Variants in G3BP1 observed in about 807,000 individuals in gnomAD.
G3BP1 encodes the protein ras GTPase-activating protein-binding protein 1.
Under a neutral mutation model 58.6 loss-of-function variants are expected in G3BP1, and 35 were observed. The ratio of observed to expected loss-of-function variants is 0.60; its 90% CI spans 0.46 to 0.79. G3BP1 has a LOEUF of 0.79. G3BP1 is among the 30% of genes least tolerant of loss of function. The probability of loss-of-function intolerance (pLI) is 0.00; values close to 1 mark genes in which losing one functional copy is unlikely to be tolerated. For synonymous variants in G3BP1, 191 were observed against 195.4 expected (o/e 0.98, Z 0.19); for missense variants, 523 against 580.8 (o/e 0.90, Z 1.02).
Position 151,800,779 on chromosome 5 carries a change from G to T in G3BP1, c.1104G>T (p.Glu368Asp), listed in dbSNP as rs1243230767. 1.9e-6 allele frequency: 3 copies of T among 1,609,576 alleles called. No individual in the cohort carries two copies. Among genetic ancestry groups the T allele is most frequent in the Admixed American group, 1.7e-5 (1 of 59,998 alleles). ...TTGCAGGTTATGGAAACGTGGTGGA[G>T]TTGCGCATTAACAGTGGTGGGAAAT... Reference protein sequence around the residue: ...DFFQSYGNVVELRINSGGKLP... With the variant: ...DFFQSYGNVVDLRINSGGKLP... The change falls in exon 11 of 12, where the codon GAG becomes GAT. Residue 368 changes from glutamate to aspartate, a missense_variant. Physicochemically the swap from Glu to Asp is conservative, Grantham distance 45 (BLOSUM62 2). This residue lies in a region of G3BP1 where 125 missense variants were observed against 181.7 expected (regional missense o/e 0.69). Coordinates refer to ENST00000356245, the MANE Select transcript of G3BP1 (RefSeq NM_005754.3).
intron 1 of G3BP1, among the ~76,000 whole-genome samples, chr5:151,776,467 G>C (rs556976432): frequency 6.6e-6 from 1 of 152,186 alleles, no homozygotes; most frequent in South Asian, 2.1e-4. Flanking sequence ...TATTATTTTG[G>C]GGGAGATGCT....
rs1762640224 is a variant in G3BP1, at chr5:151,790,922, A to G, written c.211A>G (p.Thr71Ala). 2.1e-5 allele frequency: 33 copies of G among 1,607,214 alleles called. No homozygotes were observed. The highest frequency in any genetic ancestry group is 2.7e-5 in the Non-Finnish European group (32 of 1,175,734). Residue 71 changes from threonine to alanine, a missense_variant, in exon 4 of 12, where the codon ACC becomes GCC. Physicochemically the swap from Thr to Ala is moderately conservative, Grantham distance 58. Transcript: ENST00000356245. ...IHRKVMSQNF[T>A]NCHTKIRHVD... is the part of the protein sequence containing the mutation. ...CAGGAAAGTGATGTCACAAAACTTCACCAACTGCCACACCAAGATTCGCCA... is the reference window on the plus strand; with the variant it reads ...CAGGAAAGTGATGTCACAAAACTTCGCCAACTGCCACACCAAGATTCGCCA...
At chr5:151,780,669 T>G (rs1762451274) in intron 1 of G3BP1, among the ~76,000 whole-genome samples, 1 of 152,136 alleles carries the variant, frequency 6.6e-6, no homozygotes, top group South Asian at 2.1e-4. Flanking sequence ...CCCACCACCA[T>G]GCCTGGCCAG....
chr5:151,811,381 G>A lies in G3BP1; in HGVS notation c.*7290G>A, dbSNP rs926897450. ...ATGAATTCTCATTTCTCGACATAAA[G>A]CCTTGTCTAAAGTGAGATGTTTTCC... On this transcript the variant is annotated 3_prime_UTR_variant, in exon 12 of 12. Transcript: ENST00000356245. 6.6e-6 allele frequency: 1 copy of A among 152,106 alleles called. No homozygotes were observed. Among genetic ancestry groups the A allele is most frequent in the Non-Finnish European group, 1.5e-5 (1 of 68,012 alleles). The allele number at this position is 152,106 out of a possible 1,614,324, so 9.4% of individuals were successfully genotyped here.
At chr5:151,786,434 A>G (rs1762556134) in intron 1 of G3BP1, 138 bp from the exon 2 acceptor site, 2 of 549,206 alleles carry the variant, frequency 3.6e-6, no homozygotes, top group Non-Finnish European at 6.6e-6. Flanking sequence ...ATTTGTATAA[A>G]ATCTCAACTG....
Position 151,799,319 on chromosome 5 carries a change from G to A in G3BP1, c.843+6G>A, listed in dbSNP as rs1366680978. On this transcript the variant is annotated splice_donor_region_variant and intron_variant, in intron 8 of 11. Coordinates refer to ENST00000356245, the MANE Select transcript of G3BP1 (RefSeq NM_005754.3). ...TTAAAGTACCAGCTTCACAGGTAAG[G>A]TCCTAATAAAACTTGTACATTAGGC... 7.7e-6 allele frequency: 11 copies of A among 1,430,402 alleles called. No individual in the cohort carries two copies. The highest frequency in any genetic ancestry group is 1.1e-5 in the Non-Finnish European group (11 of 1,012,380). The allele number at this position is 1,430,402 out of a possible 1,614,324, so 88.6% of individuals were successfully genotyped here.
chr5:151,780,605 C>T lies in G3BP1; in HGVS notation c.-49-5967C>T, dbSNP rs187643211. On this transcript the variant is annotated intron_variant, in intron 1 of 11. Transcript: ENST00000356245. Reference sequence around the variant, plus strand: ...GGCTCATTGCAAGAGCTCCGCCTCCCGGGTTCACTCTGTTCTCCTGCCTCA... The same window carrying T: ...GGCTCATTGCAAGAGCTCCGCCTCCTGGGTTCACTCTGTTCTCCTGCCTCA... Among the ~76,000 whole-genome samples, 673 of 152,266 alleles carry T rather than the reference C, an allele frequency of 4.4e-3. 4 individuals carry two copies. The highest frequency in any genetic ancestry group is 6.6e-3 in the Non-Finnish European group (450 of 68,018).
At chr5:151,788,604 G>GTGTGTGTGTGTGTA (rs1762593979) in intron 2 of G3BP1, among the ~76,000 whole-genome samples, 1 of 150,122 alleles carries the variant, frequency 6.7e-6, no homozygotes, top group South Asian at 2.1e-4. Flanking sequence ...GTGTGTGTGT[G>GTGTGTGTGTGTGTA]TGTGTGTGTA....
intron 1 of G3BP1, among the ~76,000 whole-genome samples, chr5:151,774,362 G>T (rs1046317480): frequency 2.0e-5 from 3 of 150,858 alleles, no homozygotes; most frequent in Non-Finnish European, 3.0e-5. Context: ...TTTCCCACTC[G>T]TTCTAGTATT....
At chr5:151,796,418 G>A (rs1171292260) in intron 6 of G3BP1, among the ~76,000 whole-genome samples, 1 of 152,162 alleles carries the variant, frequency 6.6e-6, no homozygotes, top group African/African-American at 2.4e-5. Context: ...ACAGGCGCAC[G>A]CCACCATGCC....
chr5:151,787,323 T>G (rs1762569769), intron 2 of G3BP1: 2 of 152,294 alleles, frequency 1.3e-5, no homozygotes, highest in Admixed American at 1.3e-4. Flanking sequence ...TTGAAGACAA[T>G]CCATGACTGT....
chr5:151,799,462 G>C (rs1469807105), intron 8 of G3BP1, 149 bp downstream of exon 8: 7 of 617,990 alleles, frequency 1.1e-5, no homozygotes, highest in Non-Finnish European at 2.0e-5. Context: ...GAAGCCAGCT[G>C]ATCACTGGAG....
intron 1 of G3BP1, among the ~76,000 whole-genome samples, chr5:151,783,804 C>T (rs1164023882): frequency 6.6e-6 from 1 of 152,096 alleles, no homozygotes; most frequent in East Asian, 1.9e-4. Flanking sequence ...GCTCTGTCGC[C>T]CAGGCTGGAG....
chr5:151,793,821 C>T (rs1199855628), intron 4 of G3BP1, among the ~76,000 whole-genome samples: 3 of 138,994 alleles, frequency 2.2e-5, no homozygotes, highest in Admixed American at 7.4e-5. Context: ...AACAAGATCC[C>T]GTCTCTACTC....
chr5:151,812,560 A>G lies in G3BP1; in HGVS notation c.*8469A>G, dbSNP rs1763031658. The stretch of plus-strand genomic sequence containing the variant: ...GCAAGTCCTTTGGGGATGACTTCTA[A>G]TTAATGCAGAAGTCATTTGCTTTGG... On this transcript the variant is annotated 3_prime_UTR_variant, in exon 12 of 12. Coordinates refer to ENST00000356245, the MANE Select transcript of G3BP1 (RefSeq NM_005754.3). 6.6e-6 allele frequency: 1 copy of G among 152,254 alleles called. No individual in the cohort carries two copies. Among genetic ancestry groups the G allele is most frequent in the South Asian group, 2.1e-4 (1 of 4,834 alleles). 9.4% of individuals were successfully genotyped at this position (152,254 alleles called of 1,614,324 possible). A position where few individuals can be genotyped will look rare whatever the true frequency, so the allele number is the denominator to read the frequency against.
intron 2 of G3BP1, chr5:151,787,142 A>T: frequency 6.6e-6 from 1 of 152,620 alleles, no homozygotes; most frequent in East Asian, 1.9e-4. Context: ...TACAGGCGTG[A>T]GCCACTGCGC....
intron 6 of G3BP1, among the ~76,000 whole-genome samples, chr5:151,795,864 A>C (rs1428069316): frequency 6.6e-6 from 1 of 152,200 alleles, no homozygotes; most frequent in African/African-American, 2.4e-5. Flanking sequence ...ATTGTTTATC[A>C]AGAGTTGAAT....
Position 151,800,245 on chromosome 5 carries a change from T to G in G3BP1, c.983T>G (p.Ile328Ser), listed in dbSNP as rs748521121. 2.7e-5 allele frequency: 43 copies of G among 1,612,848 alleles called. No homozygotes were observed. The highest frequency in any genetic ancestry group is 3.2e-5 in the Non-Finnish European group (38 of 1,179,810). ...PIREAGEQGD[I>S]EPRRMVRHPD... ...CGTGAGGCTGGTGAGCAAGGTGACATTGAACCCCGAAGAATGGTGAGACAC... is the reference window on the plus strand; with the variant it reads ...CGTGAGGCTGGTGAGCAAGGTGACAGTGAACCCCGAAGAATGGTGAGACAC... Residue 328 changes from isoleucine to serine, a missense_variant, in exon 10 of 12, where the codon ATT becomes AGT. By Grantham distance (142) the Ile-to-Ser change is moderately radical. Transcript: ENST00000356245.
At chr5:151,786,820 T>TAA (rs1305850860) in intron 2 of G3BP1, 105 bp downstream of exon 2, 1 of 736,378 alleles carries the variant, frequency 1.4e-6, no homozygotes, top group East Asian at 2.6e-5. Flanking sequence ...GGTTGTTGCA[T>TAA]AATACTTATT....
Sources: gnomAD v4.1 joint callset for allele counts (sites outside exome capture counted in the v4.1 genomes callset) on GRCh38, gnomAD v4.1.1 for gene constraint, gnomAD v4.1.1 regional missense constraint, MANE v1.5 for transcripts, NCBI Gene and HGNC (gene_info 2026-07-23, HGNC 2026-07-21) for gene names.